PRCP: variants seen among roughly 807,000 people sequenced by gnomAD.
PRCP encodes the protein prolylcarboxypeptidase, also known as lysosomal Pro-X carboxypeptidase.
Under a neutral mutation model 54.2 loss-of-function variants are expected in PRCP, and 46 were observed. The ratio of observed to expected loss-of-function variants is 0.85; its 90% CI spans 0.67 to 1.09. The LOEUF (loss-of-function observed/expected upper bound fraction) is 1.09. Ranked by LOEUF, PRCP falls within the 50% of genes least tolerant of loss-of-function variation. PRCP has a pLI of 0.00. For synonymous variants in PRCP, 240 were observed against 212.2 expected, an observed-to-expected ratio of 1.13 and a Z score of -1.14; for missense variants, 613 against 596.8, an observed-to-expected ratio of 1.03 and a Z score of -0.28.
upstream of PRCP, chr11:82,900,616 C>T (rs1860261415): frequency 1.4e-6 from 1 of 706,382 alleles, no homozygotes; most frequent in Non-Finnish European, 2.5e-6. Context: ...CTCCACTCCA[C>T]TTTCCTCTCG....
intron 1 of PRCP, chr11:82,884,819 C>G: frequency 6.2e-7 from 1 of 1,612,424 alleles, no homozygotes. Context: ...AAAATAACAC[C>G]TACCAGAGGA....
At chr11:82,831,320 TGAGACTA>T in intron 8 of PRCP, 1 of 152,284 alleles carries the variant, frequency 6.6e-6, no homozygotes, top group Non-Finnish European at 1.5e-5. Flanking sequence ...ATTGCTGTAA[TGAGACTA>T]TTAACAGGTA....
intron 1 of PRCP, among the ~76,000 whole-genome samples, chr11:82,874,690 CAA>C (rs36084037): frequency 2.9e-4 from 20 of 68,790 alleles, no homozygotes; most frequent in African/African-American, 3.0e-4. Context: ...GACCCTGTCT[CAA>C]AAAAAAAAAA....
In PRCP at chr11:82,849,218, C is replaced by A; in HGVS notation, c.752G>T (p.Gly251Val). Reference protein sequence around the residue: ...WDAINRLSNTGSGLQWLTGAL... With the variant: ...WDAINRLSNTVSGLQWLTGAL... ...TCCAGTAAGCCACTGCAAACCACTG[C>A]CTGGGAATAGAATCACACTGTTGGA... The change falls in exon 6 of 9, where the codon GGC becomes GTC. Residue 251 changes from glycine (G) to valine (V), a missense_variant and splice_region_variant. Gly to Val is a moderately radical substitution (Grantham distance 109, BLOSUM62 -3). Coordinates refer to ENST00000313010, the MANE Select transcript of PRCP (RefSeq NM_005040.4). The A allele has an allele frequency of 6.2e-7, 1 of 1,613,800 alleles. No homozygotes were observed. Among genetic ancestry groups the A allele is most frequent in the South Asian group, 1.1e-5 (1 of 91,062 alleles).
In PRCP at chr11:82,856,926, C is replaced by T. The variant is rs1317524778; in HGVS notation, c.309+3051G>A. On this transcript the variant is annotated intron_variant, in intron 2 of 8. Transcript: ENST00000313010. ...TGGCAGGCGCCTGTAGTCCCAGCTA[C>T]TCGGGAGGCTGAGGCAGGAAAATGG... is the stretch of plus-strand genomic sequence containing the variant. 4.0e-5 allele frequency among the ~76,000 whole-genome samples: 6 copies of T among 151,104 alleles called. 1 individual carries two copies. Among genetic ancestry groups the T allele is most frequent in the South Asian group, 2.1e-4 (1 of 4,764 alleles).
At chr11:82,833,268 C>A (rs979272514) in intron 8 of PRCP, among the ~76,000 whole-genome samples, 1 of 152,254 alleles carries the variant, frequency 6.6e-6, no homozygotes, top group South Asian at 2.1e-4. Context: ...GAGTGATAAG[C>A]GGTATTTACA....
At chr11:82,845,169 T>C (rs1241788743) in intron 6 of PRCP, among the ~76,000 whole-genome samples, 2 of 152,138 alleles carry the variant, frequency 1.3e-5, no homozygotes, top group Non-Finnish European at 2.9e-5. Flanking sequence ...TAGAAATAGT[T>C]GAGAAAATAG....
chr11:82,883,389 A>T (rs1318176914), intron 1 of PRCP, among the ~76,000 whole-genome samples: 1 of 152,210 alleles, frequency 6.6e-6, no homozygotes, highest in Non-Finnish European at 1.5e-5. Flanking sequence ...CAGCAGCACT[A>T]TGTAAGCCAC....
chr11:82,871,423 C>T (rs890024937), intron 1 of PRCP, among the ~76,000 whole-genome samples: 2 of 152,138 alleles, frequency 1.3e-5, no homozygotes, highest in Admixed American at 6.5e-5. Context: ...AAGTGATCCA[C>T]CCGCCTTGCC....
chr11:82,899,087 A>G (rs573048914), intron 1 of PRCP, among the ~76,000 whole-genome samples: 2 of 152,364 alleles, frequency 1.3e-5, no homozygotes, highest in African/African-American at 4.8e-5. Flanking sequence ...GGCTGGGCTC[A>G]GTGGCTCACA....
chr11:82,827,217 C>T (rs143397840), intron 8 of PRCP: 95 of 152,304 alleles, frequency 6.2e-4, no homozygotes, highest in African/African-American at 2.2e-3. Context: ...TGTAGACTAT[C>T]TTCTAACTTT....
At chr11:82,831,671 G>T (rs1858385146) in intron 8 of PRCP, among the ~76,000 whole-genome samples, 1 of 151,966 alleles carries the variant, frequency 6.6e-6, no homozygotes, top group South Asian at 2.1e-4. Flanking sequence ...CTAAGGAGAG[G>T]CCTGGAAACA....
At chr11:82,865,533 T>C (rs10792658) in intron 1 of PRCP, among the ~76,000 whole-genome samples, 19,874 of 152,238 alleles carry the variant, frequency 0.13, 1,369 homozygotes, top group Middle Eastern at 0.19. Flanking sequence ...AAATTCAGTA[T>C]GCAGTTGGAT....
intron 1 of PRCP, among the ~76,000 whole-genome samples, chr11:82,868,547 G>C (rs1450581204): frequency 6.6e-6 from 1 of 152,274 alleles, no homozygotes; most frequent in African/African-American, 2.4e-5. Context: ...GGAAATTACA[G>C]AGGGCTGCAC....
intron 8 of PRCP, chr11:82,836,195 G>GAAAAAAAAAAAA (rs767035852): frequency 1.3e-5 from 1 of 79,468 alleles, no homozygotes. Context: ...TCCATCTCGA[G>GAAAAAAAAAAAA]GAAAAAAAAA....
At chr11:82,900,022 G>C in intron 1 of PRCP, 2 of 608,912 alleles carry the variant, frequency 3.3e-6, no homozygotes. Flanking sequence ...AGAGTATGCA[G>C]CCAAAACTAC....
intron 1 of PRCP, among the ~76,000 whole-genome samples, chr11:82,872,813 T>C (rs1275670403): frequency 6.6e-6 from 1 of 152,154 alleles, no homozygotes; most frequent in Non-Finnish European, 1.5e-5. Flanking sequence ...AGAAGGCCTC[T>C]CTATGGAGGT....
chr11:82,885,329 A>G (rs556664722), intron 1 of PRCP, among the ~76,000 whole-genome samples: 1 of 152,310 alleles, frequency 6.6e-6, no homozygotes, highest in South Asian at 2.1e-4. Flanking sequence ...TGCTTTGGAT[A>G]TTTTATTTTT....
At chr11:82,846,534 G>A (rs1858813414) in intron 6 of PRCP, among the ~76,000 whole-genome samples, 1 of 151,976 alleles carries the variant, frequency 6.6e-6, no homozygotes, top group Non-Finnish European at 1.5e-5. Context: ...TCAAAAGAAA[G>A]GATAATGTCA....
Sources: gnomAD v4.1 joint callset for allele counts (sites outside exome capture counted in the v4.1 genomes callset) on GRCh38, gnomAD v4.1.1 for gene constraint, MANE v1.5 for transcripts, NCBI Gene and HGNC (gene_info 2026-07-23, HGNC 2026-07-21) for gene names.